Variants in SPOCK1 observed in about 807,000 individuals in gnomAD.
SPOCK1 encodes SPARC (osteonectin), cwcv and kazal like domains proteoglycan 1.
SPOCK1 carries 23 observed loss-of-function variants against 55.3 expected under a neutral mutation model. That is an observed-to-expected ratio of 0.42 (90% CI 0.30 to 0.59). The LOEUF is 0.59. Ranked by LOEUF, SPOCK1 falls within the 20% of genes least tolerant of loss-of-function variation. The pLI is 0.22. For synonymous variants in SPOCK1, 226 were observed against 221.0 expected (o/e 1.02, Z -0.20); for missense variants, 499 against 552.5 (o/e 0.90, Z 0.97).
At chr5:137,113,574 A>G (rs566316725) in intron 4 of SPOCK1, among the ~76,000 whole-genome samples, 1 of 152,340 alleles carries the variant, frequency 6.6e-6, no homozygotes, top group East Asian at 1.9e-4. Flanking sequence ...TTAATGGTAC[A>G]AATCTCAGTT....
chr5:137,245,287 T>C (rs1277126016), intron 3 of SPOCK1, among the ~76,000 whole-genome samples: 2 of 152,224 alleles, frequency 1.3e-5, no homozygotes, highest in Admixed American at 6.5e-5. Flanking sequence ...TTCAACTTAA[T>C]AGCCAATCTG....
At chr5:137,191,029 T>C (rs1352611613) in intron 3 of SPOCK1, among the ~76,000 whole-genome samples, 1 of 152,234 alleles carries the variant, frequency 6.6e-6, no homozygotes, top group African/African-American at 2.4e-5. Context: ...ACCCTTTGTA[T>C]CTGGGGATAC....
chr5:137,148,174 G>A (rs1754241672), intron 3 of SPOCK1, among the ~76,000 whole-genome samples: 1 of 152,166 alleles, frequency 6.6e-6, no homozygotes, highest in Non-Finnish European at 1.5e-5. Context: ...TCCAGAGCAG[G>A]TGTCCAGCCC....
chr5:137,447,582 T>A (rs1462612039), intron 2 of SPOCK1, among the ~76,000 whole-genome samples: 5 of 152,136 alleles, frequency 3.3e-5, no homozygotes, highest in Non-Finnish European at 7.4e-5. Context: ...GGCAAACACA[T>A]GGATTTACCA....
intron 8 of SPOCK1, among the ~76,000 whole-genome samples, chr5:136,987,942 T>G (rs1223739996): frequency 3.3e-5 from 5 of 152,218 alleles, no homozygotes. Flanking sequence ...TCTTGCCTCT[T>G]TTTTTCATTA....
rs181930674 is a variant in SPOCK1, at chr5:137,132,564, T to G, written c.347+8016A>C. ...ACACTTAATGCCATTTTACTGGAAA[T>G]GGAAGCAGGAAATCGGAGGGCATTG... is the stretch of plus-strand genomic sequence containing the variant. On this transcript the variant is annotated intron_variant, in intron 4 of 10. Transcript: ENST00000394945. Among the ~76,000 whole-genome samples, 14 of 152,318 alleles carry G rather than the reference T, an allele frequency of 9.2e-5. No homozygotes were observed. In the East Asian group the frequency reaches 2.7e-3, roughly 29 times the overall value.
At position 137,277,782 on chromosome 5, in the gene SPOCK1, C is replaced by A. The variant is rs527805774; in HGVS notation, c.187-10727G>T. Among the ~76,000 whole-genome samples the A allele has an allele frequency of 2.6e-5, 4 of 152,292 alleles. No homozygotes were observed. In the East Asian group the frequency reaches 7.7e-4, roughly 29 times the overall value. ...AGGCAGGACACCCTGGATTCCTGATCCACCCCTACCCTCAGGCCCAGCCTC... is the reference window on the plus strand; with the variant it reads ...AGGCAGGACACCCTGGATTCCTGATACACCCCTACCCTCAGGCCCAGCCTC... On this transcript the variant is annotated intron_variant, in intron 2 of 10. Transcript: ENST00000394945.
At chr5:137,455,230 C>A (rs1406005709) in intron 2 of SPOCK1, among the ~76,000 whole-genome samples, 2 of 152,158 alleles carry the variant, frequency 1.3e-5, no homozygotes, top group Non-Finnish European at 2.9e-5. Context: ...CTTGATGGAT[C>A]TGGGTCTATT....
At chr5:136,999,157 T>C (rs1751102219) in intron 6 of SPOCK1, among the ~76,000 whole-genome samples, 1 of 152,112 alleles carries the variant, frequency 6.6e-6, no homozygotes, top group Non-Finnish European at 1.5e-5. Context: ...ACGCAGCTGA[T>C]GGGAGGGAGA....
intron 6 of SPOCK1, 111 bp downstream of exon 6, chr5:137,067,604 C>T (rs1752532891): frequency 1.1e-6 from 1 of 872,364 alleles, no homozygotes; most frequent in African/African-American, 1.7e-5. Context: ...CCTGTCATGT[C>T]TGCTCATTTC....
chr5:137,247,958 C>A (rs1371813772), intron 3 of SPOCK1, among the ~76,000 whole-genome samples: 1 of 152,188 alleles, frequency 6.6e-6, no homozygotes, highest in Non-Finnish European at 1.5e-5. Flanking sequence ...CACCTCCTAA[C>A]ATCGAAACAT....
In SPOCK1 at chr5:137,404,512, C is replaced by CTATTT. The variant is rs1752053420; in HGVS notation, c.186+93860_186+93861insAAATA. On this transcript the variant is annotated intron_variant, in intron 2 of 10. Transcript: ENST00000394945. ...GCAAACTCTGTCTCCTGGGTTCAAG[C>CTATTT]TATTCTCCTGCCTCAGCCTCCCCAG... is the stretch of plus-strand genomic sequence containing the variant. Among the ~76,000 whole-genome samples, 3 of 150,064 alleles carry CTATTT rather than the reference C, an allele frequency of 2.0e-5. No homozygotes were observed. The South Asian group carries it at 6.3e-4, about 32-fold the overall frequency.
Position 137,240,903 on chromosome 5 carries a change from C to T in SPOCK1, c.232+26107G>A, listed in dbSNP as rs143272522. 3.8e-3 allele frequency among the ~76,000 whole-genome samples: 575 copies of T among 152,216 alleles called. 1 individual carries two copies. The highest frequency in any genetic ancestry group is 4.9e-3 in the Non-Finnish European group (330 of 68,014). On this transcript the variant is annotated intron_variant, in intron 3 of 10. Coordinates refer to ENST00000394945, the MANE Select transcript of SPOCK1 (RefSeq NM_004598.4). ...TAGATCTAAATACAAAGTCCAGAAACTAATCCAAATACAAATGGAAATACT... is the reference window on the plus strand; with the variant it reads ...TAGATCTAAATACAAAGTCCAGAAATTAATCCAAATACAAATGGAAATACT...
chr5:137,466,788 T>C (rs1419043935), intron 2 of SPOCK1, among the ~76,000 whole-genome samples: 3 of 152,246 alleles, frequency 2.0e-5, no homozygotes, highest in Non-Finnish European at 4.4e-5. Flanking sequence ...GAGTTATCTA[T>C]GGCTTTATAA....
At chr5:137,324,206 A>G (rs1360126794) in intron 2 of SPOCK1, among the ~76,000 whole-genome samples, 3 of 152,216 alleles carry the variant, frequency 2.0e-5, no homozygotes, top group African/African-American at 7.2e-5. Context: ...GCAATTTGGG[A>G]GGCAGAGGTG....
chr5:137,054,051 C>T (rs1554095019), intron 6 of SPOCK1, among the ~76,000 whole-genome samples: 2 of 151,810 alleles, frequency 1.3e-5, no homozygotes, highest in Non-Finnish European at 2.9e-5. Flanking sequence ...AGATCCATGT[C>T]TGTGTGTATG....
At chr5:136,992,699 T>A in intron 6 of SPOCK1, 99 bp from the exon 7 acceptor site, 1 of 833,394 alleles carries the variant, frequency 1.2e-6, no homozygotes, top group South Asian at 1.7e-5. Flanking sequence ...AACCTTTCTA[T>A]CCAACCACGA....
intron 3 of SPOCK1, among the ~76,000 whole-genome samples, chr5:137,222,899 T>C (rs966161348): frequency 6.6e-6 from 1 of 152,000 alleles, no homozygotes; most frequent in South Asian, 2.1e-4. Flanking sequence ...GATAGACAAA[T>C]AGCATCTAAA....
chr5:137,180,183 C>T (rs985065291), intron 3 of SPOCK1, among the ~76,000 whole-genome samples: 10 of 152,310 alleles, frequency 6.6e-5, no homozygotes, highest in Admixed American at 1.3e-4. Flanking sequence ...CCTACCTGCA[C>T]GGCATGGCTG....
Sources: gnomAD v4.1 joint callset for allele counts (sites outside exome capture counted in the v4.1 genomes callset) on GRCh38, gnomAD v4.1.1 for gene constraint, MANE v1.5 for transcripts, NCBI Gene and HGNC (gene_info 2026-07-23, HGNC 2026-07-21) for gene names.